C16orf74: variants seen among roughly 807,000 people sequenced by gnomAD.
The protein encoded by C16orf74 is calcimembrin, also known as uncharacterized protein C16orf74.
In C16orf74, 10 loss-of-function variants were observed where a neutral mutation model predicts 6.5. That is an observed-to-expected ratio of 1.54 (90% CI 0.95 to 2.61). The LOEUF (loss-of-function observed/expected upper bound fraction) is 2.61, where lower values mean the gene tolerates loss of function less well. Ranked by LOEUF, C16orf74 falls within the 30% of genes most tolerant of loss-of-function variation. The pLI is 0.00. For missense variants in C16orf74, 141 were observed against 105.9 expected (o/e 1.33, Z -1.45); for synonymous variants, 60 against 42.5 (o/e 1.41, Z -1.60).
At chr16:85,750,763 G>T (rs1420341266) in intron 1 of C16orf74, among the ~76,000 whole-genome samples, 163 bp downstream of exon 1, 2 of 152,156 alleles carry the variant, frequency 1.3e-5, no homozygotes, top group African/African-American at 2.4e-5. Flanking sequence ...AAGAAGTTGG[G>T]GGGACGCCCG....
At chr16:85,748,510 A>C (rs1024986105) in intron 1 of C16orf74, among the ~76,000 whole-genome samples, 2 of 152,084 alleles carry the variant, frequency 1.3e-5, no homozygotes, top group Admixed American at 6.6e-5. Flanking sequence ...AGGCAGGAGA[A>C]TCACTTGAGC....
rs1275311570 is a variant in C16orf74 at position 85,711,630 on chromosome 16, A to C, written c.29-1323T>G. Reference sequence around the variant, plus strand: ...AAGAGTGAAACTCTGTCTCAAAAAAAAAAAAAAAAAAAAAAATTAAACGCA... The same window carrying C: ...AAGAGTGAAACTCTGTCTCAAAAAACAAAAAAAAAAAAAAAATTAAACGCA... On this transcript the variant is annotated intron_variant, in intron 2 of 3. Coordinates refer to ENST00000284245, the MANE Select transcript of C16orf74 (RefSeq NM_206967.3). 3.2e-3 allele frequency among the ~76,000 whole-genome samples: 273 copies of C among 84,156 alleles called. 1 individual carries two copies. Among genetic ancestry groups the C allele is most frequent in the African/African-American group, 8.5e-3 (269 of 31,520 alleles). 55.2% of individuals were successfully genotyped at this position (84,156 alleles called of 152,430 possible).
intron 2 of C16orf74, among the ~76,000 whole-genome samples, chr16:85,729,925 C>T (rs374764036): frequency 3.3e-5 from 5 of 152,128 alleles, no homozygotes; most frequent in African/African-American, 9.7e-5. Flanking sequence ...AGCCCCCCAG[C>T]GTGGTCATTT....
At chr16:85,723,417 A>AG (rs1166593795) in intron 2 of C16orf74, among the ~76,000 whole-genome samples, 1 of 152,112 alleles carries the variant, frequency 6.6e-6, no homozygotes, top group Non-Finnish European at 1.5e-5. Context: ...AAAAAAAAAA[A>AG]AAGTTAAATG....
At chr16:85,718,445 C>G (rs894743997) in intron 2 of C16orf74, among the ~76,000 whole-genome samples, 1 of 152,200 alleles carries the variant, frequency 6.6e-6, no homozygotes, top group East Asian at 1.9e-4. Flanking sequence ...CGCCCTCTTC[C>G]CCAAGGCACC....
At chr16:85,738,653 T>C (rs1444044941) in intron 1 of C16orf74, among the ~76,000 whole-genome samples, 1 of 151,880 alleles carries the variant, frequency 6.6e-6, no homozygotes, top group Non-Finnish European at 1.5e-5. Flanking sequence ...TTTTAAAAGC[T>C]CCCTGCAGGA....
At position 85,710,212 on chromosome 16, in the gene C16orf74, G is replaced by A. The variant is rs767773782; in HGVS notation, c.124C>T (p.Pro42Ser). The change falls in exon 3 of 4, where the codon CCC becomes TCC. Residue 42 changes from proline (P) to serine (S), a missense_variant. Pro to Ser is a moderately conservative substitution (Grantham distance 74, BLOSUM62 -1). Coordinates refer to ENST00000284245, the MANE Select transcript of C16orf74 (RefSeq NM_206967.3). ...HLDVPDIIIT[P>S]PTPTGMMLPR... ...AGCATCATGCCCGTGGGGGTGGGGGGCGTGATGATGATGTCGGGCACGTCC... is the reference window on the plus strand; with the variant it reads ...AGCATCATGCCCGTGGGGGTGGGGGACGTGATGATGATGTCGGGCACGTCC... The A allele has an allele frequency of 8.0e-6, 12 of 1,499,210 alleles. 1 individual carries two copies. In the South Asian group the frequency reaches 9.7e-5, roughly 12 times the overall value. The allele number at this position is 1,499,210 out of a possible 1,614,324, so 92.9% of individuals were successfully genotyped here.
rs145834223 is a variant in C16orf74 at position 85,717,414 on chromosome 16, C to T, written c.29-7107G>A. On this transcript the variant is annotated intron_variant, in intron 2 of 3. Transcript: ENST00000284245. Reference sequence around the variant, plus strand: ...ACTTTAACAGCCAGGGATGGGAACCCCTGAGCTAGGGCCACTGTGGGAACA... The same window carrying T: ...ACTTTAACAGCCAGGGATGGGAACCTCTGAGCTAGGGCCACTGTGGGAACA... 6.1e-3 allele frequency among the ~76,000 whole-genome samples: 936 copies of T among 152,284 alleles called. 12 individuals carry two copies. The highest frequency in any genetic ancestry group is 0.04 in the South Asian group (193 of 4,830).
At chr16:85,710,506 T>C in intron 2 of C16orf74, 199 bp from the exon 3 acceptor site, 1 of 517,984 alleles carries the variant, frequency 1.9e-6, no homozygotes, top group Non-Finnish European at 3.3e-6. Flanking sequence ...TTGTCACATC[T>C]CACAGAACCA....
At chr16:85,718,149 A>G (rs907461411) in intron 2 of C16orf74, among the ~76,000 whole-genome samples, 1 of 152,198 alleles carries the variant, frequency 6.6e-6, no homozygotes, top group Non-Finnish European at 1.5e-5. Context: ...GGTTCACTGC[A>G]GCCTGGACTT....
chr16:85,748,153 T>C (rs2054395301), intron 1 of C16orf74, among the ~76,000 whole-genome samples: 2 of 66,580 alleles, frequency 3.0e-5, no homozygotes. Flanking sequence ...TGTGTATATA[T>C]ATATATGTGT....
intron 1 of C16orf74, chr16:85,741,756 G>A (rs1378508477): frequency 5.9e-6 from 1 of 168,408 alleles, no homozygotes; most frequent in Non-Finnish European, 1.5e-5. Context: ...CATTTCCCGA[G>A]TCTGAGGTGC....
chr16:85,730,229 A>T (rs183629628), intron 2 of C16orf74, among the ~76,000 whole-genome samples: 1 of 152,110 alleles, frequency 6.6e-6, no homozygotes, highest in Non-Finnish European at 1.5e-5. Context: ...GGTTCAGCCC[A>T]TGCCTCCCGT....
At chr16:85,743,045 C>T (rs999853027) in intron 1 of C16orf74, among the ~76,000 whole-genome samples, 9 of 152,192 alleles carry the variant, frequency 5.9e-5, no homozygotes, top group African/African-American at 2.2e-4. Context: ...TACGTGGCCC[C>T]AATTCCACAG....
intron 2 of C16orf74, among the ~76,000 whole-genome samples, chr16:85,734,110 G>A (rs1198585006): frequency 6.6e-6 from 1 of 152,140 alleles, no homozygotes; most frequent in Non-Finnish European, 1.5e-5. Flanking sequence ...TTGTTAACCA[G>A]TATCCGCTTC....
intron 1 of C16orf74, among the ~76,000 whole-genome samples, chr16:85,735,924 T>G (rs1471320679): frequency 6.6e-6 from 1 of 152,122 alleles, no homozygotes; most frequent in Non-Finnish European, 1.5e-5. Context: ...AAGGTACTAT[T>G]ACTGTCCCCA....
intron 1 of C16orf74, among the ~76,000 whole-genome samples, chr16:85,744,634 T>C (rs573552483): frequency 5.3e-5 from 8 of 151,542 alleles, no homozygotes; most frequent in South Asian, 2.1e-4. Flanking sequence ...ATCGAGACCA[T>C]CCTGGCTAAC....
At position 85,707,895 on chromosome 16, in the gene C16orf74, G is replaced by T. The variant is rs948088616; in HGVS notation, c.*113C>A. Reference sequence around the variant, plus strand: ...TCTCTCTGAGCGGAGGCCCGGGTTCGCTCAGTTCCCATCCAGGGTATTCAG... The same window carrying T: ...TCTCTCTGAGCGGAGGCCCGGGTTCTCTCAGTTCCCATCCAGGGTATTCAG... On this transcript the variant is annotated 3_prime_UTR_variant, in exon 4 of 4. Coordinates refer to ENST00000284245, the MANE Select transcript of C16orf74 (RefSeq NM_206967.3). 12 of 866,106 alleles carry T rather than the reference G, an allele frequency of 1.4e-5. No homozygotes were observed. The Admixed American group carries it at 2.2e-4, about 16-fold the overall frequency. The allele number at this position is 866,106 out of a possible 1,614,324, so 53.7% of individuals were successfully genotyped here.
At chr16:85,729,759 G>A (rs1216896964) in intron 2 of C16orf74, among the ~76,000 whole-genome samples, 3 of 152,284 alleles carry the variant, frequency 2.0e-5, no homozygotes, top group East Asian at 3.9e-4. Context: ...AAGAGAGGAA[G>A]GCCACGTGAA....
Sources: gnomAD v4.1 joint callset for allele counts (sites outside exome capture counted in the v4.1 genomes callset) on GRCh38, gnomAD v4.1.1 for gene constraint, MANE v1.5 for transcripts, NCBI Gene and HGNC (gene_info 2026-07-23, HGNC 2026-07-21) for gene names.